The following MSRA variants were observed in gnomAD, a reference collection of about 807,000 sequenced individuals.
MSRA encodes methionine sulfoxide reductase A, also known as mitochondrial peptide methionine sulfoxide reductase.
MSRA carries 54 observed loss-of-function variants against 31.3 expected under a neutral mutation model. The ratio of observed to expected loss-of-function variants is 1.73; its 90% CI spans 1.39 to 2.17. The LOEUF (loss-of-function observed/expected upper bound fraction) is 2.17, where lower values mean the gene tolerates loss of function less well. Ranked by LOEUF, MSRA falls within the 30% of genes most tolerant of loss-of-function variation. The pLI, the probability that MSRA is intolerant of heterozygous loss-of-function variation, is 0.00. For missense variants in MSRA, 507 were observed against 300.9 expected, an observed-to-expected ratio of 1.69 and a Z score of -5.07; for synonymous variants, 169 against 116.5, an observed-to-expected ratio of 1.45 and a Z score of -2.90.
chr8:10,243,545 C>T (rs1797451068), intron 2 of MSRA, among the ~76,000 whole-genome samples: 1 of 151,798 alleles, frequency 6.6e-6, no homozygotes, highest in Admixed American at 6.6e-5. Context: ...GTAACATAAG[C>T]ATAAGCAGAT....
chr8:10,420,471 C>T (rs1441196477), intron 5 of MSRA, among the ~76,000 whole-genome samples: 4 of 152,100 alleles, frequency 2.6e-5, no homozygotes, highest in African/African-American at 4.8e-5. Flanking sequence ...ACAACAAATA[C>T]GTCTTATTTC....
intron 3 of MSRA, among the ~76,000 whole-genome samples, chr8:10,299,692 A>G (rs7817142): frequency 0.2 from 30,774 of 152,174 alleles, 3,606 homozygotes; most frequent in Non-Finnish European, 0.27. Context: ...AAATAAAACA[A>G]TAGAATCCTA....
chr8:10,197,333 C>T (rs1585145196), intron 1 of MSRA, among the ~76,000 whole-genome samples: 1 of 152,234 alleles, frequency 6.6e-6, no homozygotes, highest in South Asian at 2.1e-4. Flanking sequence ...AAATGGATTT[C>T]TTCTAAAAAT....
At chr8:10,374,374 G>A (rs952788314) in intron 5 of MSRA, among the ~76,000 whole-genome samples, 3 of 152,122 alleles carry the variant, frequency 2.0e-5, no homozygotes, top group Admixed American at 1.3e-4. Flanking sequence ...GTGCTGTACG[G>A]GAGAGGTGAT....
chr8:10,409,348 G>C (rs1318318183), intron 5 of MSRA, among the ~76,000 whole-genome samples: 2 of 152,126 alleles, frequency 1.3e-5, no homozygotes, highest in Non-Finnish European at 2.9e-5. Context: ...TCATATGCTT[G>C]TGGGCCGTTT....
intron 5 of MSRA, among the ~76,000 whole-genome samples, chr8:10,420,511 C>G (rs557522260): frequency 6.6e-6 from 1 of 152,138 alleles, no homozygotes; most frequent in African/African-American, 2.4e-5. Context: ...GAGAGCCCAT[C>G]TGAGGCTGAA....
chr8:10,245,828 T>C (rs1006387494), intron 3 of MSRA, among the ~76,000 whole-genome samples: 3 of 152,214 alleles, frequency 2.0e-5, no homozygotes, highest in African/African-American at 7.2e-5. Flanking sequence ...AAGCAAGTCA[T>C]ATGCGCTAGC....
chr8:10,418,252 A>C (rs1486991356), intron 5 of MSRA, among the ~76,000 whole-genome samples: 2 of 152,176 alleles, frequency 1.3e-5, no homozygotes, highest in African/African-American at 4.8e-5. Context: ...TGAGGCTTGC[A>C]GTCTGATGAG....
intron 1 of MSRA, among the ~76,000 whole-genome samples, chr8:10,067,083 C>G (rs1797489866): frequency 6.6e-6 from 1 of 152,102 alleles, no homozygotes; most frequent in Non-Finnish European, 1.5e-5. Flanking sequence ...TGGGTTTTGA[C>G]AGATGCATGA....
chr8:10,323,539 C>T (rs1022920524), intron 5 of MSRA, among the ~76,000 whole-genome samples: 1 of 152,158 alleles, frequency 6.6e-6, no homozygotes, highest in South Asian at 2.1e-4. Context: ...GTAGTTTCTA[C>T]CCTCAGTTTT....
At position 10,372,012 on chromosome 8, in the gene MSRA, G is replaced by A. The variant is rs540880795; in HGVS notation, c.543+52023G>A. ...TGAATGATAGATCAAAGAGCCCCAGGCAGAACGAGCTTGTTGATGCCATAT... is the reference window on the plus strand; with the variant it reads ...TGAATGATAGATCAAAGAGCCCCAGACAGAACGAGCTTGTTGATGCCATAT... On this transcript the variant is annotated intron_variant, in intron 5 of 5. Transcript: ENST00000317173. 1.1e-4 allele frequency among the ~76,000 whole-genome samples: 17 copies of A among 152,320 alleles called. No homozygotes were observed. In the East Asian group the frequency reaches 2.9e-3, roughly 26 times the overall value.
chr8:10,194,735 C>G (rs974858577), intron 1 of MSRA, among the ~76,000 whole-genome samples: 1 of 152,096 alleles, frequency 6.6e-6, no homozygotes, highest in East Asian at 1.9e-4. Flanking sequence ...TGACATTTGT[C>G]CTGGGACTGG....
intron 5 of MSRA, among the ~76,000 whole-genome samples, chr8:10,394,982 G>A (rs1807004800): frequency 6.6e-6 from 1 of 152,350 alleles, no homozygotes; most frequent in African/African-American, 2.4e-5. Flanking sequence ...ACTTGGATAT[G>A]TGAGCAGTGG....
At chr8:10,404,470 G>A (rs1807672371) in intron 5 of MSRA, among the ~76,000 whole-genome samples, 2 of 152,244 alleles carry the variant, frequency 1.3e-5, no homozygotes, top group African/African-American at 2.4e-5. Flanking sequence ...CACGTGGATG[G>A]CTTCAAAGTG....
intron 5 of MSRA, chr8:10,337,958 T>C (rs1312584324): frequency 1.6e-6 from 1 of 620,582 alleles, no homozygotes; most frequent in African/African-American, 1.8e-5. Context: ...GGAGGTAAAC[T>C]GGGTGGCCCA....
At chr8:10,408,438 A>C (rs1015244803) in intron 5 of MSRA, among the ~76,000 whole-genome samples, 2 of 152,222 alleles carry the variant, frequency 1.3e-5, no homozygotes, top group East Asian at 3.9e-4. Flanking sequence ...GCTACCCAAG[A>C]GGCTGAGGCA....
At chr8:10,066,109 G>A (rs1430682759) in intron 1 of MSRA, among the ~76,000 whole-genome samples, 3 of 151,960 alleles carry the variant, frequency 2.0e-5, no homozygotes, top group Admixed American at 6.6e-5. Context: ...TGCACCCTCC[G>A]TCTCCCGGAT....
chr8:10,240,924 G>T (rs774026078), intron 2 of MSRA, among the ~76,000 whole-genome samples: 2 of 152,104 alleles, frequency 1.3e-5, no homozygotes, highest in Non-Finnish European at 2.9e-5. Context: ...AAGTGAGGGA[G>T]GGAGTTGGTG....
At chr8:10,239,760 C>T (rs796854509) in intron 2 of MSRA, among the ~76,000 whole-genome samples, 2 of 152,210 alleles carry the variant, frequency 1.3e-5, no homozygotes, top group East Asian at 1.9e-4. Context: ...CAAAGTCTCC[C>T]AATGGGTCCC....
Sources: gnomAD v4.1 joint callset for allele counts (sites outside exome capture counted in the v4.1 genomes callset) on GRCh38, gnomAD v4.1.1 for gene constraint, MANE v1.5 for transcripts, NCBI Gene and HGNC (gene_info 2026-07-23, HGNC 2026-07-21) for gene names.